The following NT5DC1 variants were observed in gnomAD, a reference collection of about 807,000 sequenced individuals.
NT5DC1 encodes 5'-nucleotidase domain-containing protein 1.
NT5DC1 carries 42 observed loss-of-function variants against 59.4 expected under a neutral mutation model. The ratio of observed to expected loss-of-function variants is 0.71; its 90% confidence interval spans 0.55 to 0.92. The LOEUF is 0.92. Ranked by LOEUF, NT5DC1 falls within the 40% of genes least tolerant of loss-of-function variation. The pLI, the probability that NT5DC1 is intolerant of heterozygous loss-of-function variation, is 0.00. For missense variants in NT5DC1, 501 were observed against 537.1 expected, an observed-to-expected ratio of 0.93 and a Z score of 0.66; for synonymous variants, 172 against 188.1, an observed-to-expected ratio of 0.91 and a Z score of 0.70.
chr6:116,215,187 A>G (rs1190524270), intron 6 of NT5DC1, among the ~76,000 whole-genome samples: 3 of 152,170 alleles, frequency 2.0e-5, no homozygotes, highest in Non-Finnish European at 4.4e-5. Context: ...GCACATGAAG[A>G]TAAGATGCCT....
chr6:116,125,479 A>G (rs1779271408), intron 6 of NT5DC1: 1 of 1,613,880 alleles, frequency 6.2e-7, no homozygotes, highest in Non-Finnish European at 8.5e-7. Flanking sequence ...CAAAAAGGGT[A>G]TTTGTGGCAG....
intron 6 of NT5DC1, among the ~76,000 whole-genome samples, chr6:116,164,989 C>T (rs13192249): frequency 0.24 from 35,518 of 150,512 alleles, 4,433 homozygotes; most frequent in Middle Eastern, 0.35. Flanking sequence ...CCCAGCTACT[C>T]GGGAGGCTGG....
Position 116,134,125 on chromosome 6 carries a change from G to C in NT5DC1, c.529+16180G>C, listed in dbSNP as rs568990115. Among the ~76,000 whole-genome samples, 5 of 152,284 alleles carry C rather than the reference G, an allele frequency of 3.3e-5. No homozygotes were observed. The South Asian group carries it at 8.3e-4, about 25-fold the overall frequency. On this transcript the variant is annotated intron_variant, in intron 6 of 11. Transcript: ENST00000319550. ...ACACATAAGTGGCAAAACAGTGCTT[G>C]GGAATGCTCCACAATTGTGATTGGT...
At chr6:116,235,926 C>T (rs1470492049) in intron 8 of NT5DC1, among the ~76,000 whole-genome samples, 1 of 151,970 alleles carries the variant, frequency 6.6e-6, no homozygotes, top group African/African-American at 2.4e-5. Flanking sequence ...GCTTTAAGAC[C>T]CCCTCATTTA....
chr6:116,221,033 A>G (rs1042393073), intron 6 of NT5DC1, 21 bp from the exon 7 acceptor site: 1 of 1,190,294 alleles, frequency 8.4e-7, no homozygotes, highest in Non-Finnish European at 1.2e-6. Flanking sequence ...GAAAAACCTC[A>G]TTGATATTTT....
At chr6:116,195,765 C>G (rs552468885) in intron 6 of NT5DC1, among the ~76,000 whole-genome samples, 3 of 152,096 alleles carry the variant, frequency 2.0e-5, no homozygotes, top group Admixed American at 2.0e-4. Flanking sequence ...ACAATAGCAA[C>G]TAGTAGCAAT....
At chr6:116,124,178 T>C (rs148238482) in intron 6 of NT5DC1, among the ~76,000 whole-genome samples, 3 of 152,220 alleles carry the variant, frequency 2.0e-5, no homozygotes, top group Admixed American at 2.0e-4. Context: ...TCTTTCTTCT[T>C]AAAAAGACAA....
At chr6:116,123,294 C>G (rs1340284989) in intron 6 of NT5DC1, among the ~76,000 whole-genome samples, 1 of 152,078 alleles carries the variant, frequency 6.6e-6, no homozygotes, top group Non-Finnish European at 1.5e-5. Context: ...GAATGTTGTC[C>G]TAATGGGTCT....
At chr6:116,178,645 A>G (rs942534289) in intron 6 of NT5DC1, among the ~76,000 whole-genome samples, 3 of 152,246 alleles carry the variant, frequency 2.0e-5, no homozygotes, top group Non-Finnish European at 4.4e-5. Flanking sequence ...AAAGAACTAT[A>G]GTTTTGGTAA....
intron 6 of NT5DC1, among the ~76,000 whole-genome samples, chr6:116,144,189 A>G (rs1441820700): frequency 6.6e-6 from 1 of 152,190 alleles, no homozygotes; most frequent in Non-Finnish European, 1.5e-5. Flanking sequence ...GAAAACAAAC[A>G]TATTCTTCTT....
intron 6 of NT5DC1, among the ~76,000 whole-genome samples, chr6:116,133,489 C>T (rs943273329): frequency 3.3e-5 from 5 of 152,122 alleles, no homozygotes; most frequent in Admixed American, 6.6e-5. Flanking sequence ...GTAGGGTACA[C>T]GAGTACCTGT....
chr6:116,178,687 T>A (rs922014626), intron 6 of NT5DC1, among the ~76,000 whole-genome samples: 5 of 152,228 alleles, frequency 3.3e-5, no homozygotes, highest in African/African-American at 1.2e-4. Flanking sequence ...CAAAATGTTA[T>A]TGTACTTCCA....
chr6:116,117,161 T>C (rs1778980230), intron 5 of NT5DC1, among the ~76,000 whole-genome samples: 1 of 152,210 alleles, frequency 6.6e-6, no homozygotes, highest in South Asian at 2.1e-4. Context: ...TAGTATGTTA[T>C]ATAACACATT....
intron 6 of NT5DC1, among the ~76,000 whole-genome samples, chr6:116,123,036 GAATA>G (rs768328925): frequency 1.3e-5 from 2 of 152,102 alleles, no homozygotes; most frequent in Admixed American, 6.5e-5. Context: ...GCAAATAGAG[GAATA>G]AATAAGGAAT....
At chr6:116,194,939 G>A (rs1384353294) in intron 6 of NT5DC1, among the ~76,000 whole-genome samples, 1 of 152,042 alleles carries the variant, frequency 6.6e-6, no homozygotes, top group Non-Finnish European at 1.5e-5. Context: ...GTTGGATACT[G>A]TGGCATATTT....
intron 6 of NT5DC1, among the ~76,000 whole-genome samples, chr6:116,149,053 T>A (rs952780386): frequency 5.9e-5 from 9 of 152,294 alleles, no homozygotes; most frequent in Non-Finnish European, 1.3e-4. Flanking sequence ...ATGTGTTTTT[T>A]AAATTTTCTT....
intron 6 of NT5DC1, among the ~76,000 whole-genome samples, chr6:116,130,240 T>C (rs1009288039): frequency 5.3e-5 from 8 of 152,116 alleles, no homozygotes; most frequent in Non-Finnish European, 1.2e-4. Flanking sequence ...TTTAGAACAA[T>C]AAGCTGCTCC....
chr6:116,167,340 G>A (rs377748020), intron 6 of NT5DC1, among the ~76,000 whole-genome samples: 29 of 149,316 alleles, frequency 1.9e-4, no homozygotes, highest in African/African-American at 7.1e-4. Flanking sequence ...AGCCTCCCAA[G>A]TAATTGGGAC....
chr6:116,119,995 C>T, intron 6 of NT5DC1: 1 of 1,203,512 alleles, frequency 8.3e-7, no homozygotes, highest in Non-Finnish European at 1.2e-6. Flanking sequence ...CAGCCTACCT[C>T]CATATGCATT....
Sources: allele counts gnomAD v4.1 joint callset (sites outside exome capture counted in the v4.1 genomes callset), GRCh38; gene constraint gnomAD v4.1.1; transcripts MANE v1.5; gene names NCBI Gene and HGNC (gene_info 2026-07-23, HGNC 2026-07-21).